TALDO1: variants seen among roughly 807,000 people sequenced by gnomAD.
TALDO1 encodes transaldolase.
In TALDO1, 29 loss-of-function variants were observed where a neutral mutation model predicts 38.1. The ratio of observed to expected loss-of-function variants is 0.76; its 90% CI spans 0.57 to 1.04. The LOEUF is 1.04. Ranked by LOEUF, TALDO1 falls within the 50% of genes least tolerant of loss-of-function variation. The probability of loss-of-function intolerance (pLI) is 0.00; values close to 1 mark genes in which losing one functional copy is unlikely to be tolerated. For synonymous variants in TALDO1, 207 were observed against 176.8 expected, an observed-to-expected ratio of 1.17 and a Z score of -1.36; for missense variants, 499 against 438.1, an observed-to-expected ratio of 1.14 and a Z score of -1.24.
chr11:763,956 C>A lies in TALDO1; in HGVS notation c.835+12C>A, dbSNP rs1863005215. On this transcript the variant is annotated intron_variant, in intron 6 of 7. Transcript: ENST00000319006. ...CTCAGCCAAGGCGGGTGAGGCCCCA[C>A]TGCCCAGCTGTGGCTCCTGCTCGGG... The A allele has an allele frequency of 6.2e-7, 1 of 1,605,476 alleles. No homozygotes were observed. Among genetic ancestry groups the A allele is most frequent in the Non-Finnish European group, 8.5e-7 (1 of 1,179,268 alleles).
Position 763,342 on chromosome 11 carries a change from A to C in TALDO1, c.462-2A>C. 1.3e-6 allele frequency: 2 copies of C among 1,530,334 alleles called. No homozygotes were observed. The highest frequency in any genetic ancestry group is 8.8e-7 in the Non-Finnish European group (1 of 1,131,030). 94.8% of individuals were successfully genotyped at this position (1,530,334 alleles called of 1,614,324 possible). On this transcript the variant is annotated splice_acceptor_variant, in intron 4 of 7. Coordinates refer to ENST00000319006, the MANE Select transcript of TALDO1 (RefSeq NM_006755.2). LOFTEE classifies it high-confidence loss of function. ...CCGCCCTCACCTGTCCCCGCCCCGC[A>C]GGGAGCTCGAGGAGCAGCACGGCAT...
In TALDO1 at chr11:764,392, A is replaced by AGATGC; in HGVS notation, c.940_941insGATGC (p.Lys314ArgfsTer9). On this transcript the variant is annotated frameshift_variant, in exon 7 of 8. Coordinates refer to ENST00000319006, the MANE Select transcript of TALDO1 (RefSeq NM_006755.2). LOFTEE classifies it high-confidence loss of function. Reference sequence around the variant, plus strand: ...GGAGAAGCTCTCTGACGGGATCCGCAAGTTTGCCGCTGATGCAGTGAAGCT... The same window carrying AGATGC: ...GGAGAAGCTCTCTGACGGGATCCGCAGATGCAGTTTGCCGCTGATGCAGTGAAGCT... The AGATGC allele has an allele frequency of 1.2e-6, 2 of 1,612,896 alleles. No individual in the cohort carries two copies. Among genetic ancestry groups the AGATGC allele is most frequent in the Non-Finnish European group, 1.7e-6 (2 of 1,179,202 alleles).
Position 763,805 on chromosome 11 carries a change from T to C in TALDO1, c.696T>C (p.Ile232=), listed in dbSNP as rs756716349. 7 of 1,613,934 alleles carry C rather than the reference T, an allele frequency of 4.3e-6. No individual in the cohort carries two copies. The Admixed American group carries it at 1.2e-4, about 27-fold the overall frequency. ...NYYKKFSYKT[I]VMGASFRNTG... is the part of the protein sequence containing the mutation. ...ACAAGAAGTTTAGCTACAAAACCAT[T>C]GTCATGGGCGCCTCCTTCCGCAACA... Residue 232 remains isoleucine (I), a synonymous_variant, in exon 6 of 8, where the codon ATT becomes ATC. Transcript: ENST00000319006.
rs375388046 is a variant in TALDO1 at position 764,878 on chromosome 11, C to G, written c.*33C>G. 8 of 1,613,654 alleles carry G rather than the reference C, an allele frequency of 5.0e-6. No individual in the cohort carries two copies. The Admixed American group carries it at 1.3e-4, about 27-fold the overall frequency. ...CTGAGGCTGGACTCCAGATCTGCAC[C>G]GCCGGCCAGCTGGGATCTGACTGCA... On this transcript the variant is annotated 3_prime_UTR_variant, in exon 8 of 8. Coordinates refer to ENST00000319006, the MANE Select transcript of TALDO1 (RefSeq NM_006755.2).
chr11:757,822 C>T (rs963370676), intron 2 of TALDO1, among the ~76,000 whole-genome samples: 3 of 152,178 alleles, frequency 2.0e-5, no homozygotes, highest in African/African-American at 7.2e-5. Context: ...TTGTACAGAA[C>T]TGTGAATGTG....
chr11:756,981 CA>C (rs1862848496), intron 2 of TALDO1, among the ~76,000 whole-genome samples: 1 of 152,168 alleles, frequency 6.6e-6, no homozygotes. Flanking sequence ...GGTAATAATT[CA>C]AAGCTTGAAG....
chr11:764,766 C>T (rs759391037), intron 7 of TALDO1, 47 bp from the exon 8 acceptor site: 1 of 1,613,892 alleles, frequency 6.2e-7, no homozygotes, highest in Non-Finnish European at 8.5e-7. Context: ...CTTCAAGGTG[C>T]AGAAGGTAGG....
Position 765,001 on chromosome 11 carries a change from A to G in TALDO1, c.*156A>G. ...AAAATTTTGCCTAATACATTAAAGC[A>G]GTCACTTTTCCTGTGCTGTTTCATT... is the stretch of plus-strand genomic sequence containing the variant. On this transcript the variant is annotated 3_prime_UTR_variant, in exon 8 of 8. Coordinates refer to ENST00000319006, the MANE Select transcript of TALDO1 (RefSeq NM_006755.2). The G allele has an allele frequency of 6.1e-6, 6 of 977,070 alleles. No homozygotes were observed. The highest frequency in any genetic ancestry group is 9.5e-6 in the Non-Finnish European group (6 of 632,512). 60.5% of individuals were successfully genotyped at this position (977,070 alleles called of 1,614,324 possible).
intron 2 of TALDO1, among the ~76,000 whole-genome samples, chr11:758,658 G>A (rs1006601504): frequency 6.6e-6 from 1 of 151,330 alleles, no homozygotes; most frequent in African/African-American, 2.4e-5. Context: ...AGGCTGGAGT[G>A]CAGTGGCACG....
At chr11:757,180 C>A in intron 2 of TALDO1, among the ~76,000 whole-genome samples, 1 of 152,110 alleles carries the variant, frequency 6.6e-6, no homozygotes. Flanking sequence ...TGTTGCACCC[C>A]TGTGGCATCA....
intron 2 of TALDO1, 130 bp downstream of exon 2, chr11:756,132 T>C: frequency 7.4e-7 from 1 of 1,353,944 alleles, no homozygotes; most frequent in Non-Finnish European, 9.9e-7. Flanking sequence ...CCCTATCTTT[T>C]TGCCTATTTT....
chr11:762,633 C>T (rs1862958581), intron 4 of TALDO1, among the ~76,000 whole-genome samples: 2 of 152,240 alleles, frequency 1.3e-5, no homozygotes, highest in African/African-American at 2.4e-5. Context: ...GGCAGAGGCG[C>T]CTGGGGAGGG....
chr11:749,333 C>T (rs1333407190), intron 1 of TALDO1, among the ~76,000 whole-genome samples: 9 of 139,260 alleles, frequency 6.5e-5, no homozygotes, highest in African/African-American at 1.6e-4. Context: ...ACCCAGAAGG[C>T]GGAGGTTGCA....
At chr11:752,667 C>T (rs2133570442) in intron 1 of TALDO1, among the ~76,000 whole-genome samples, 1 of 152,276 alleles carries the variant, frequency 6.6e-6, no homozygotes, top group Non-Finnish European at 1.5e-5. Context: ...CCAGGGTGGG[C>T]ATGGAGGCAC....
In TALDO1 at chr11:760,575, A is replaced by G. The variant is rs187149359; in HGVS notation, c.461+322A>G. The G allele has an allele frequency of 1.9e-3, 639 of 344,886 alleles. 2 individuals are homozygous for G. Among genetic ancestry groups the G allele is most frequent in the African/African-American group, 0.012 (565 of 47,692 alleles). The allele number at this position is 344,886 out of a possible 1,614,324, so 21.4% of individuals were successfully genotyped here. A position where few individuals can be genotyped will look rare whatever the true frequency, so the allele number is the denominator to read the frequency against. ...CCTCTGTCCTGATCAACACAAGCCT[A>G]TGTTTACATGATTTTTAAAAAGTAA... is the stretch of plus-strand genomic sequence containing the variant. On this transcript the variant is annotated intron_variant, in intron 4 of 7. Transcript: ENST00000319006.
At chr11:755,599 C>G (rs1439430797) in intron 1 of TALDO1, 1 of 463,630 alleles carries the variant, frequency 2.2e-6, no homozygotes, top group African/African-American at 2.0e-5. Context: ...GTTCTCCCAG[C>G]TGTCGCACCG....
chr11:763,244 CT>C, intron 4 of TALDO1, 99 bp from the exon 5 acceptor site: 4 of 152,494 alleles, frequency 2.6e-5, no homozygotes, highest in Admixed American at 2.1e-4. Flanking sequence ...CGCCCCCGCC[CT>C]CACCCATCCC....
chr11:754,395 C>T (rs1862798573), intron 1 of TALDO1, among the ~76,000 whole-genome samples: 1 of 152,228 alleles, frequency 6.6e-6, no homozygotes, highest in Non-Finnish European at 1.5e-5. Context: ...AAGTTGTCCA[C>T]TCCGACTAAA....
intron 2 of TALDO1, among the ~76,000 whole-genome samples, chr11:757,797 G>C (rs1862863184): frequency 6.6e-6 from 1 of 152,340 alleles, no homozygotes; most frequent in East Asian, 1.9e-4. Context: ...GAGCTCTGGA[G>C]ATGGATGGTG....
Sources: gnomAD v4.1 joint callset for allele counts (sites outside exome capture counted in the v4.1 genomes callset) on GRCh38, gnomAD v4.1.1 for gene constraint, MANE v1.5 for transcripts, NCBI Gene and HGNC (gene_info 2026-07-23, HGNC 2026-07-21) for gene names.